The following ZFPM2 variants were observed in gnomAD, a reference collection of about 807,000 sequenced individuals.
ZFPM2 encodes the protein zinc finger protein ZFPM2.
ZFPM2 carries 20 observed loss-of-function variants against 98.6 expected under a neutral mutation model. That is an observed-to-expected ratio of 0.20 (90% confidence interval 0.14 to 0.29). The LOEUF is 0.29. ZFPM2 is among the 10% of genes least tolerant of loss of function. The probability of loss-of-function intolerance (pLI) is 1.00; values close to 1 mark genes in which losing one functional copy is unlikely to be tolerated. For missense variants in ZFPM2, 1,310 were observed against 1,388.6 expected (o/e 0.94, Z 0.90); for synonymous variants, 518 against 502.7 (o/e 1.03, Z -0.41).
intron 4 of ZFPM2, among the ~76,000 whole-genome samples, chr8:105,624,814 G>A (rs1048888185): frequency 6.6e-6 from 1 of 152,100 alleles, no homozygotes; most frequent in Non-Finnish European, 1.5e-5. Context: ...ATACCTCAGA[G>A]ATAATGATTA....
chr8:105,378,348 T>G (rs574644988), intron 1 of ZFPM2, among the ~76,000 whole-genome samples: 2 of 152,278 alleles, frequency 1.3e-5, no homozygotes, highest in African/African-American at 4.8e-5. Context: ...CATTTTTTTC[T>G]TATGAAAACT....
intron 3 of ZFPM2, among the ~76,000 whole-genome samples, chr8:105,494,633 C>T (rs2130445343): frequency 6.6e-6 from 1 of 152,190 alleles, no homozygotes; most frequent in South Asian, 2.1e-4. Flanking sequence ...GTGTGGTCTC[C>T]AGACCAGCAG....
At chr8:105,692,313 G>A (rs1407398967) in intron 5 of ZFPM2, among the ~76,000 whole-genome samples, 2 of 152,214 alleles carry the variant, frequency 1.3e-5, no homozygotes, top group Middle Eastern at 6.8e-3. Flanking sequence ...TTGTATGTGT[G>A]TTATAATGAC....
At chr8:105,707,407 G>A (rs1294114722) in intron 5 of ZFPM2, among the ~76,000 whole-genome samples, 1 of 152,154 alleles carries the variant, frequency 6.6e-6, no homozygotes, top group Non-Finnish European at 1.5e-5. Context: ...AGTGTGGGAT[G>A]ACAAGCATAA....
intron 3 of ZFPM2, among the ~76,000 whole-genome samples, chr8:105,554,539 A>C (rs184295278): frequency 6.6e-6 from 1 of 152,262 alleles, no homozygotes; most frequent in East Asian, 1.9e-4. Flanking sequence ...AAATATAAAT[A>C]TGGGTTCTGA....
intron 3 of ZFPM2, among the ~76,000 whole-genome samples, chr8:105,512,884 G>A (rs1455910830): frequency 6.6e-6 from 1 of 151,390 alleles, no homozygotes; most frequent in Non-Finnish European, 1.5e-5. Context: ...GTATGTATAT[G>A]TGTGTGTGTG....
At chr8:105,569,153 A>G (rs1185079644) in intron 4 of ZFPM2, among the ~76,000 whole-genome samples, 1 of 152,202 alleles carries the variant, frequency 6.6e-6, no homozygotes, top group Non-Finnish European at 1.5e-5. Flanking sequence ...CACTGATCAC[A>G]TAACTGTGAG....
intron 3 of ZFPM2, among the ~76,000 whole-genome samples, chr8:105,470,243 A>G (rs1446409668): frequency 2.6e-5 from 4 of 152,168 alleles, no homozygotes. Context: ...GGGCTTAATA[A>G]CAGAGTCAGG....
At chr8:105,660,015 G>GA (rs1463884999) in intron 5 of ZFPM2, among the ~76,000 whole-genome samples, 1 of 152,104 alleles carries the variant, frequency 6.6e-6, no homozygotes, top group Non-Finnish European at 1.5e-5. Context: ...CAAAGAGTTT[G>GA]AAAAAGAAAG....
rs146214596 is a variant in ZFPM2, at chr8:105,330,522, T to TTCTC, written c.40+11555_40+11558dup. On this transcript the variant is annotated intron_variant, in intron 1 of 7. Transcript: ENST00000407775. ...ATAGATTTATATGGAACAAAACAAT[T>TTCTC]TCTCTCTCTCTCTCTCTATATATAT... 8.2e-4 allele frequency among the ~76,000 whole-genome samples: 97 copies of TTCTC among 117,912 alleles called. 1 individual carries two copies. Among genetic ancestry groups the TTCTC allele is most frequent in the South Asian group, 1.6e-3 (6 of 3,710 alleles). 77.4% of individuals were successfully genotyped at this position (117,912 alleles called of 152,430 possible).
intron 1 of ZFPM2, among the ~76,000 whole-genome samples, chr8:105,381,051 T>G (rs1810878282): frequency 6.9e-6 from 1 of 144,632 alleles, no homozygotes; most frequent in Non-Finnish European, 1.5e-5. Context: ...ACATTAGGTA[T>G]TTCTCTTAAT....
At chr8:105,731,002 C>G (rs1318467911) in intron 5 of ZFPM2, among the ~76,000 whole-genome samples, 5 of 151,518 alleles carry the variant, frequency 3.3e-5, no homozygotes, top group Admixed American at 3.3e-4. Context: ...CAGTTCAACA[C>G]TTATCTTGAC....
chr8:105,518,197 A>G (rs1346694609), intron 3 of ZFPM2, among the ~76,000 whole-genome samples: 1 of 152,126 alleles, frequency 6.6e-6, no homozygotes, highest in African/African-American at 2.4e-5. Flanking sequence ...TAACTCATAT[A>G]TTCATATATT....
At chr8:105,342,965 A>T (rs1812456727) in intron 1 of ZFPM2, among the ~76,000 whole-genome samples, 1 of 152,072 alleles carries the variant, frequency 6.6e-6, no homozygotes, top group Non-Finnish European at 1.5e-5. Context: ...GGCAGACTCA[A>T]GTGCTTAAGG....
Position 105,781,409 on chromosome 8 carries a change from G to A in ZFPM2, c.533-7309G>A, listed in dbSNP as rs188578153. The stretch of plus-strand genomic sequence containing the variant: ...TCTAAGTGTTAGCTATTTTAATGAG[G>A]TTAGTCACATTATGAGATAACTTGG... On this transcript the variant is annotated intron_variant, in intron 5 of 7. Transcript: ENST00000407775. Among the ~76,000 whole-genome samples the A allele has an allele frequency of 3.3e-3, 508 of 152,262 alleles. 8 individuals are homozygous for A. The highest frequency in any genetic ancestry group is 0.024 in the Admixed American group (371 of 15,292).
chr8:105,368,923 T>C (rs1204447477), intron 1 of ZFPM2, among the ~76,000 whole-genome samples: 2 of 152,172 alleles, frequency 1.3e-5, no homozygotes, highest in African/African-American at 2.4e-5. Context: ...CTAGGACCTT[T>C]TTGAAGTGCA....
At chr8:105,755,023 A>C in intron 5 of ZFPM2, among the ~76,000 whole-genome samples, 1 of 151,872 alleles carries the variant, frequency 6.6e-6, no homozygotes, top group African/African-American at 2.4e-5. Context: ...TTGCAGGAAT[A>C]GTTGTAGCAG....
chr8:105,621,696 A>G (rs138269609), intron 4 of ZFPM2, among the ~76,000 whole-genome samples: 238 of 152,276 alleles, frequency 1.6e-3, no homozygotes, highest in African/African-American at 5.5e-3. Flanking sequence ...AGATATTTTT[A>G]TTATTAATAT....
intron 5 of ZFPM2, among the ~76,000 whole-genome samples, chr8:105,726,882 A>G (rs1811820718): frequency 6.6e-6 from 1 of 151,716 alleles, no homozygotes; most frequent in Admixed American, 6.6e-5. Context: ...AATTATGAAT[A>G]AACACTAGGG....
Sources: allele counts gnomAD v4.1 joint callset (sites outside exome capture counted in the v4.1 genomes callset), GRCh38; gene constraint gnomAD v4.1.1; transcripts MANE v1.5; gene names NCBI Gene and HGNC (gene_info 2026-07-23, HGNC 2026-07-21).